Variants in CTNNA3 observed in about 807,000 individuals in gnomAD.
CTNNA3 encodes catenin alpha-3.
Under a neutral mutation model 95.7 loss-of-function variants are expected in CTNNA3, and 76 were observed. The observed-to-expected ratio is 0.79, with a 90% CI of 0.66 to 0.96. The LOEUF (loss-of-function observed/expected upper bound fraction) is 0.96. Ranked by LOEUF, CTNNA3 falls within the 40% of genes least tolerant of loss-of-function variation. The pLI, the probability that CTNNA3 is intolerant of heterozygous loss-of-function variation, is 0.00. For missense variants in CTNNA3, 1,191 were observed against 1,089.8 expected (o/e 1.09, Z -1.31); for synonymous variants, 431 against 374.4 (o/e 1.15, Z -1.74).
rs139303692 is a variant in CTNNA3, at chr10:67,180,197, T to C, written c.1047+120A>G. ...GCAGAACTCACTTAGAAAATCAACC[T>C]ATGTAAAATCACATACTCATTTGTA... On this transcript the variant is annotated intron_variant, in intron 7 of 17. Coordinates refer to ENST00000433211, the MANE Select transcript of CTNNA3 (RefSeq NM_013266.4). 9.7e-5 allele frequency: 82 copies of C among 849,294 alleles called. No individual in the cohort carries two copies. In the East Asian group the frequency reaches 2.0e-3, roughly 21 times the overall value. 52.6% of individuals were successfully genotyped at this position (849,294 alleles called of 1,614,324 possible). A position where few individuals can be genotyped will look rare whatever the true frequency, so the allele number is the denominator to read the frequency against.
At chr10:67,600,518 A>G (rs1196227622) in intron 3 of CTNNA3, among the ~76,000 whole-genome samples, 1 of 152,188 alleles carries the variant, frequency 6.6e-6, no homozygotes, top group East Asian at 1.9e-4. Flanking sequence ...AATTAAAACT[A>G]CAATATAATA....
chr10:66,585,717 C>A (rs1261061295), intron 10 of CTNNA3, among the ~76,000 whole-genome samples: 1 of 151,804 alleles, frequency 6.6e-6, no homozygotes, highest in Non-Finnish European at 1.5e-5. Flanking sequence ...CCTTGATTAA[C>A]ATAATAATCA....
chr10:65,977,333 T>A (rs1222095247), intron 16 of CTNNA3, among the ~76,000 whole-genome samples: 1 of 152,132 alleles, frequency 6.6e-6, no homozygotes, highest in African/African-American at 2.4e-5. Context: ...ATGGAATACA[T>A]CATTTAGTAA....
At chr10:67,383,088 G>A (rs1444707213) in intron 5 of CTNNA3, among the ~76,000 whole-genome samples, 1 of 152,158 alleles carries the variant, frequency 6.6e-6, no homozygotes, top group East Asian at 1.9e-4. Context: ...ATGACTTAAT[G>A]TAAGTCTTGG....
rs150801703 is a variant in CTNNA3 at position 66,608,308 on chromosome 10, AAATG to A, written c.1374+13380_1374+13383del. On this transcript the variant is annotated intron_variant, in intron 10 of 17. Coordinates refer to ENST00000433211, the MANE Select transcript of CTNNA3 (RefSeq NM_013266.4). ...CAAAGAAATCAGAGATGACACAAAC[AAATG>A]GCGAAACGTCCCATGCTCATGAATA... Among the ~76,000 whole-genome samples, 671 of 152,272 alleles carry A rather than the reference AAATG, an allele frequency of 4.4e-3. 19 individuals are homozygous for A. In the South Asian group the frequency reaches 0.063, roughly 14 times the overall value.
intron 7 of CTNNA3, among the ~76,000 whole-genome samples, chr10:66,869,373 AG>A (rs1844307499): frequency 6.6e-6 from 1 of 151,978 alleles, no homozygotes; most frequent in Admixed American, 6.6e-5. Context: ...TTGTTTTTCA[AG>A]ACCAGCCTGA....
intron 14 of CTNNA3, among the ~76,000 whole-genome samples, chr10:66,074,000 C>G (rs116713259): frequency 1.3e-5 from 2 of 152,040 alleles, no homozygotes; most frequent in Non-Finnish European, 2.9e-5. Context: ...CTCCTTCTAT[C>G]TTCTGCTAGT....
intron 12 of CTNNA3, among the ~76,000 whole-genome samples, chr10:66,357,739 T>C (rs2092622148): frequency 6.6e-6 from 1 of 152,186 alleles, no homozygotes; most frequent in Non-Finnish European, 1.5e-5. Context: ...GGGCTATTAA[T>C]AATGATGCTA....
intron 5 of CTNNA3, among the ~76,000 whole-genome samples, chr10:67,399,322 A>G (rs1404725293): frequency 6.6e-6 from 1 of 152,190 alleles, no homozygotes; most frequent in Non-Finnish European, 1.5e-5. Flanking sequence ...AAATTGTAAA[A>G]CCAATATTAT....
At chr10:66,360,290 G>C (rs10762066) in intron 12 of CTNNA3, among the ~76,000 whole-genome samples, 138,061 of 152,048 alleles carry the variant, frequency 0.91, 62,874 homozygotes, top group East Asian at 1. Context: ...GGGTTTCCAC[G>C]TGTTTGGGAA....
At chr10:66,019,699 A>C (rs1169877616) in intron 15 of CTNNA3, among the ~76,000 whole-genome samples, 1 of 151,874 alleles carries the variant, frequency 6.6e-6, no homozygotes, top group African/African-American at 2.4e-5. Context: ...GTCAAGGAGA[A>C]ATCAAAATTT....
At chr10:65,988,888 C>T (rs534495915) in intron 15 of CTNNA3, 91 bp from the exon 16 acceptor site, 220 of 816,336 alleles carry the variant, frequency 2.7e-4, no homozygotes, top group Non-Finnish European at 3.4e-4. Context: ...TTAATCTATG[C>T]GTCCATCCAT....
At chr10:67,269,611 G>A (rs1300857690) in intron 5 of CTNNA3, among the ~76,000 whole-genome samples, 1 of 152,062 alleles carries the variant, frequency 6.6e-6, no homozygotes, top group African/African-American at 2.4e-5. Flanking sequence ...TAAAGTAAAT[G>A]TGAAAATTTC....
intron 5 of CTNNA3, among the ~76,000 whole-genome samples, chr10:67,454,208 C>G (rs114837700): frequency 6.6e-6 from 1 of 152,116 alleles, no homozygotes; most frequent in Non-Finnish European, 1.5e-5. Flanking sequence ...AATACAACAT[C>G]TTTTAAATTT....
chr10:67,283,041 C>T (rs1839459949), intron 5 of CTNNA3, among the ~76,000 whole-genome samples: 1 of 152,184 alleles, frequency 6.6e-6, no homozygotes, highest in Non-Finnish European at 1.5e-5. Flanking sequence ...CCCCATCCCA[C>T]ACCCAGAAGG....
intron 16 of CTNNA3, 29 bp from the exon 17 acceptor site, chr10:65,966,775 T>C: frequency 1.9e-6 from 3 of 1,554,644 alleles, no homozygotes; most frequent in Non-Finnish European, 2.6e-6. Flanking sequence ...TAAAAATAGA[T>C]ACAGCAGAAT....
chr10:67,247,529 G>A (rs570210103), intron 5 of CTNNA3, among the ~76,000 whole-genome samples: 25 of 152,188 alleles, frequency 1.6e-4, no homozygotes, highest in African/African-American at 6.0e-4. Context: ...ATTTAAAGAC[G>A]TTCCATGTCA....
At chr10:66,704,095 T>G (rs1453682127) in intron 9 of CTNNA3, among the ~76,000 whole-genome samples, 1 of 152,180 alleles carries the variant, frequency 6.6e-6, no homozygotes, top group Non-Finnish European at 1.5e-5. Context: ...GCAATGGTAA[T>G]GGATCCACTA....
At chr10:66,090,321 C>T (rs974197010) in intron 14 of CTNNA3, among the ~76,000 whole-genome samples, 1 of 151,914 alleles carries the variant, frequency 6.6e-6, no homozygotes, top group African/African-American at 2.4e-5. Flanking sequence ...GTGAATGTTG[C>T]CAAGCTGCAA....
Sources: allele counts gnomAD v4.1 joint callset (sites outside exome capture counted in the v4.1 genomes callset), GRCh38; gene constraint gnomAD v4.1.1; transcripts MANE v1.5; gene names NCBI Gene and HGNC (gene_info 2026-07-23, HGNC 2026-07-21).